The following DNM1 variants were observed in gnomAD, a reference collection of about 807,000 sequenced individuals.
DNM1 encodes dynamin 1.
A neutral mutation model predicts 104.6 loss-of-function variants in DNM1; 29 were observed. That is an observed-to-expected ratio of 0.28 (90% CI 0.21 to 0.38). The LOEUF is 0.38. Ranked by LOEUF, DNM1 falls within the 10% of genes least tolerant of loss-of-function variation. DNM1 has a pLI of 1.00. For missense variants in DNM1, 640 were observed against 1,189.4 expected, an observed-to-expected ratio of 0.54 and a Z score of 6.79; for synonymous variants, 445 against 475.8, an observed-to-expected ratio of 0.94 and a Z score of 0.84.
In DNM1 at chr9:128,226,069, G is replaced by T. The variant is rs1195278255; in HGVS notation, c.1335+1680G>T. ...CTTCACACCTGACCTCGCTTTTGAA[G>T]CCACAGTGAAAAAGCAGGTGCAGAA... On this transcript the variant is annotated intron_variant, in intron 10 of 21. Transcript: ENST00000372923. 7 of 1,612,732 alleles carry T rather than the reference G, an allele frequency of 4.3e-6. No homozygotes were observed. The Admixed American group carries it at 1.2e-4, about 27-fold the overall frequency.
chr9:128,227,800 C>T (rs375403546), intron 10 of DNM1, among the ~76,000 whole-genome samples: 12 of 151,848 alleles, frequency 7.9e-5, no homozygotes, highest in African/African-American at 1.7e-4. Context: ...CCTTCACAAA[C>T]GATGTTACAA....
At position 128,220,448 on chromosome 9, in the gene DNM1, A is replaced by T. The variant is rs535012084; in HGVS notation, c.849+107A>T. On this transcript the variant is annotated intron_variant, in intron 6 of 21. Coordinates refer to ENST00000372923, the MANE Select transcript of DNM1 (RefSeq NM_004408.4). This position sits in a 1 kb window ranked among gnomAD's most constrained non-coding sequence, Gnocchi z 5.2. ...AGAGGTTAGCCTCTCCGTAGTGCAG[A>T]TAGACAAACTGAGCCTCAGAAAAGC... 5.4e-5 allele frequency: 75 copies of T among 1,398,768 alleles called. 3 individuals are homozygous for T. The African/African-American group carries it at 9.7e-4, about 18-fold the overall frequency. The allele number at this position is 1,398,768 out of a possible 1,614,324, so 86.6% of individuals were successfully genotyped here.
chr9:128,246,246 C>A, intron 15 of DNM1, 148 bp from the exon 16 acceptor site: 1 of 642,794 alleles, frequency 1.6e-6, no homozygotes, highest in Non-Finnish European at 2.8e-6. Context: ...GCCTACGGTC[C>A]GTGGCCAGGC....
Position 128,218,377 on chromosome 9 carries a change from G to A in DNM1, c.235+73G>A. The stretch of plus-strand genomic sequence containing the variant: ...TCCCCCGTCCCCAAGCTGAGGGCCA[G>A]CCTGGCCACGAACTTGCTTGCTGTG... On this transcript the variant is annotated intron_variant, in intron 2 of 21. Transcript: ENST00000372923. This position sits in a 1 kb window ranked among gnomAD's most constrained non-coding sequence, Gnocchi z 4.8. The A allele has an allele frequency of 6.4e-7, 1 of 1,557,352 alleles. No individual in the cohort carries two copies. Among genetic ancestry groups the A allele is most frequent in the Non-Finnish European group, 8.9e-7 (1 of 1,128,556 alleles).
chr9:128,246,789 A>AT, intron 16 of DNM1: 1 of 366,806 alleles, frequency 2.7e-6, no homozygotes, highest in East Asian at 5.6e-5. Context: ...CCTTCCTTCC[A>AT]TTCTCCCCTT....
At position 128,220,520 on chromosome 9, in the gene DNM1, A is replaced by G. The variant is rs1834875801; in HGVS notation, c.849+179A>G. Among the ~76,000 whole-genome samples the G allele has an allele frequency of 6.6e-6, 1 of 152,210 alleles. No individual in the cohort carries two copies. The highest frequency in any genetic ancestry group is 2.1e-4 in the South Asian group (1 of 4,832). ...CACAGCTAGGTAGCAGCAAAGCTTC[A>G]CTGACCTTTCCCTGTCTGGGACCTG... On this transcript the variant is annotated intron_variant, in intron 6 of 21. Coordinates refer to ENST00000372923, the MANE Select transcript of DNM1 (RefSeq NM_004408.4). This position sits in a 1 kb window ranked among gnomAD's most constrained non-coding sequence, Gnocchi z 5.2.
At chr9:128,237,369 C>A (rs1248792022) in intron 11 of DNM1, among the ~76,000 whole-genome samples, 1 of 151,906 alleles carries the variant, frequency 6.6e-6, no homozygotes, top group Non-Finnish European at 1.5e-5. Context: ...TCAAGCCATT[C>A]TCCTGCCTCA....
Position 128,226,268 on chromosome 9 carries a change from G to C in DNM1, c.1335+1879G>C. ...GAAGGATCTGCTGAGCCGGCCTCAC[G>C]GCTACCCGCAGGGACCCAGCCCTAG... is the stretch of plus-strand genomic sequence containing the variant. On this transcript the variant is annotated intron_variant, in intron 10 of 21. Coordinates refer to ENST00000372923, the MANE Select transcript of DNM1 (RefSeq NM_004408.4). The C allele has an allele frequency of 4.5e-6, 7 of 1,546,236 alleles. 1 individual carries two copies. The South Asian group carries it at 7.3e-5, about 16-fold the overall frequency.
chr9:128,223,766 G>T, intron 9 of DNM1: 1 of 153,068 alleles, frequency 6.5e-6, no homozygotes, highest in Non-Finnish European at 1.5e-5. Flanking sequence ...AGCCTCATTA[G>T]GGCCGGGCGC....
In DNM1 at chr9:128,218,140, C is replaced by A. The variant is rs1834724312; in HGVS notation, c.162-91C>A. ...GGTGGAGCCAGCACTTTGGAAGGAG[C>A]TTTGGCTTTCCCAGGGGCCGGACAG... is the stretch of plus-strand genomic sequence containing the variant. On this transcript the variant is annotated intron_variant, in intron 1 of 21. Coordinates refer to ENST00000372923, the MANE Select transcript of DNM1 (RefSeq NM_004408.4). This position sits in a 1 kb window ranked among gnomAD's most constrained non-coding sequence, Gnocchi z 4.8. 1.6e-6 allele frequency: 2 copies of A among 1,277,632 alleles called. No homozygotes were observed. Among genetic ancestry groups the A allele is most frequent in the African/African-American group, 2.9e-5 (2 of 68,216 alleles). 79.1% of individuals were successfully genotyped at this position (1,277,632 alleles called of 1,614,324 possible).
chr9:128,236,679 C>T (rs1485257084), intron 11 of DNM1, among the ~76,000 whole-genome samples: 5 of 151,954 alleles, frequency 3.3e-5, no homozygotes, highest in South Asian at 2.1e-4. Context: ...GGCAAGACCC[C>T]GTCTCTACAA....
Position 128,254,743 on chromosome 9 carries a change from C to T in DNM1, c.*29C>T, listed in dbSNP as rs1327604369. The T allele has an allele frequency of 6.3e-7, 1 of 1,585,202 alleles. No individual in the cohort carries two copies. Among genetic ancestry groups the T allele is most frequent in the Admixed American group, 1.7e-5 (1 of 59,850 alleles). On this transcript the variant is annotated 3_prime_UTR_variant, in exon 22 of 22. Transcript: ENST00000372923. This position sits in a 1 kb window ranked among gnomAD's most constrained non-coding sequence, Gnocchi z 6.1. ...GATCCCTCCTCTTCTCGGAGACCTC[C>T]CTTTCCAAGCCTGCCTGGACGGCTG...
Position 128,247,286 on chromosome 9 carries a change from A to G in DNM1, c.1782-89A>G, listed in dbSNP as rs1363591466. On this transcript the variant is annotated intron_variant, in intron 16 of 21. Transcript: ENST00000372923. The surrounding 1 kb of genome is among the most constrained non-coding windows in gnomAD (Gnocchi z 5.1). ...GCTGGGAAATGAGCTGGCCTCAGGC[A>G]TGTTGACCCCAAAGTCTGGGCATGC... 1 of 809,738 alleles carries G rather than the reference A, an allele frequency of 1.2e-6. No homozygotes were observed. Among genetic ancestry groups the G allele is most frequent in the Admixed American group, 2.1e-5 (1 of 46,844 alleles). 50.2% of individuals were successfully genotyped at this position (809,738 alleles called of 1,614,324 possible).
chr9:128,248,436 G>C lies in DNM1; in HGVS notation c.1906-147G>C. The C allele has an allele frequency of 3.6e-6, 3 of 838,686 alleles. No individual in the cohort carries two copies. Among genetic ancestry groups the C allele is most frequent in the Non-Finnish European group, 5.4e-6 (3 of 552,678 alleles). 52.0% of individuals were successfully genotyped at this position (838,686 alleles called of 1,614,324 possible). ...AGTCTAGGGTCCTGAGAGGCACAGG[G>C]ATGCGGAGCCAGGTATGTATTCAGG... On this transcript the variant is annotated intron_variant, in intron 18 of 21. Coordinates refer to ENST00000372923, the MANE Select transcript of DNM1 (RefSeq NM_004408.4). The surrounding 1 kb of genome is among the most constrained non-coding windows in gnomAD (Gnocchi z 5.6).
chr9:128,250,386 G>GC (rs1431766279), intron 20 of DNM1, 30 bp downstream of exon 20: 6 of 1,537,072 alleles, frequency 3.9e-6, no homozygotes, highest in Admixed American at 4.0e-5. Flanking sequence ...CGGCCCCAAA[G>GC]CCCCCCAGCC....
rs749735616 is a variant in DNM1, at chr9:128,254,704, T to C, written c.2585T>C (p.Phe862Ser). ...CGTCCTGAGAGCCCCAGGCCCCCCTTCGACCTCTAAACAGATCCCTCCTCT... is the reference window on the plus strand; with the variant it reads ...CGTCCTGAGAGCCCCAGGCCCCCCTCCGACCTCTAAACAGATCCCTCCTCT... The part of the protein sequence containing the change: ...PSRPESPRPP[F>S]DL The change falls in exon 22 of 22, where the codon TTC becomes TCC. Residue 862 changes from phenylalanine to serine, a missense_variant. By Grantham distance (155) the Phe-to-Ser change is radical. Coordinates refer to ENST00000372923, the MANE Select transcript of DNM1 (RefSeq NM_004408.4). The surrounding 1 kb of genome is among the most constrained non-coding windows in gnomAD (Gnocchi z 6.1). 2.5e-6 allele frequency: 4 copies of C among 1,596,212 alleles called. No individual in the cohort carries two copies. In the East Asian group the frequency reaches 8.9e-5, roughly 36 times the overall value.
rs1829659196 is a variant in DNM1, at chr9:128,253,546, G to T, written c.2535-1108G>T. 8.5e-6 allele frequency: 2 copies of T among 235,050 alleles called. No individual in the cohort carries two copies. Among genetic ancestry groups the T allele is most frequent in the African/African-American group, 2.3e-5 (1 of 44,212 alleles). 14.6% of individuals were successfully genotyped at this position (235,050 alleles called of 1,614,324 possible). A position where few individuals can be genotyped will look rare whatever the true frequency, so the allele number is the denominator to read the frequency against. On this transcript the variant is annotated intron_variant, in intron 21 of 21. Coordinates refer to ENST00000372923, the MANE Select transcript of DNM1 (RefSeq NM_004408.4). This position sits in a 1 kb window ranked among gnomAD's most constrained non-coding sequence, Gnocchi z 5.9. ...CTAGGAACGTTATCCTGGGCACACC[G>T]TGCGTGGTGTGCAGTCTGAGTCATG...
intron 15 of DNM1, among the ~76,000 whole-genome samples, chr9:128,242,892 C>T (rs2131265061): frequency 6.7e-6 from 1 of 148,302 alleles, no homozygotes; most frequent in South Asian, 2.2e-4. Flanking sequence ...GAGCCTGGGG[C>T]TAAGCGCCCT....
chr9:128,241,816 G>T (rs958981685), intron 14 of DNM1, among the ~76,000 whole-genome samples: 12 of 152,330 alleles, frequency 7.9e-5, no homozygotes, highest in African/African-American at 2.9e-4. Context: ...AAAGGAAAAA[G>T]TGCTTTCTAG....
Sources: allele counts gnomAD v4.1 joint callset (sites outside exome capture counted in the v4.1 genomes callset), GRCh38; gene constraint gnomAD v4.1.1; non-coding constraint Gnocchi (gnomAD v3.1); transcripts MANE v1.5; gene names NCBI Gene and HGNC (gene_info 2026-07-23, HGNC 2026-07-21).